The following STARD10 variants were observed in gnomAD, a reference collection of about 807,000 sequenced individuals.
STARD10 encodes START domain-containing protein 10.
STARD10 carries 24 observed loss-of-function variants against 36.0 expected under a neutral mutation model. The ratio of observed to expected loss-of-function variants is 0.67; its 90% CI spans 0.48 to 0.94. STARD10 has a LOEUF of 0.94. Ranked by LOEUF, STARD10 falls within the 40% of genes least tolerant of loss-of-function variation. The pLI is 0.00. For missense variants in STARD10, 335 were observed against 396.6 expected, an observed-to-expected ratio of 0.84 and a Z score of 1.32; for synonymous variants, 156 against 161.9, an observed-to-expected ratio of 0.96 and a Z score of 0.28.
At chr11:72,779,941 T>C (rs3889234) in intron 2 of STARD10, among the ~76,000 whole-genome samples, 32,459 of 152,096 alleles carry the variant, frequency 0.21, 3,768 homozygotes, top group Middle Eastern at 0.37. Flanking sequence ...CCAAGATACA[T>C]GCCTGAACTA....
At chr11:72,755,511 A>G (rs772266863) in intron 6 of STARD10, 190 bp downstream of exon 6, 1 of 677,220 alleles carries the variant, frequency 1.5e-6, no homozygotes, top group South Asian at 1.5e-5. Context: ...GGGTTTCACC[A>G]TGTTGGCCAG....
chr11:72,757,954 C>G (rs1858665916), intron 4 of STARD10, 70 bp from the exon 5 acceptor site: 3 of 1,284,774 alleles, frequency 2.3e-6, no homozygotes, highest in Admixed American at 1.7e-5. Context: ...TGAGTATACA[C>G]AAACGCGCAC....
At chr11:72,761,922 T>C (rs1296616) in intron 2 of STARD10, among the ~76,000 whole-genome samples, 70 of 121,634 alleles carry the variant, frequency 5.8e-4, no homozygotes, top group Non-Finnish European at 8.9e-4. Flanking sequence ...CTTTTCTTTT[T>C]TTTTTTTTTT....
rs1284110020 is a variant in STARD10 at position 72,781,691 on chromosome 11, C to G, written c.-113-397G>C. ...TTGCCCGCCGCTCCGCCGGGGCCCG[C>G]CGGGGCCGGGGTGCCAGCGCCGCCG... On this transcript the variant is annotated intron_variant, in intron 1 of 6. Transcript: ENST00000334805. The surrounding 1 kb of genome is among the most constrained non-coding windows in gnomAD (Gnocchi z 4.7). 6.8e-6 allele frequency: 1 copy of G among 147,866 alleles called. No homozygotes were observed. Among genetic ancestry groups the G allele is most frequent in the Non-Finnish European group, 1.5e-5 (1 of 66,288 alleles). 9.2% of individuals were successfully genotyped at this position (147,866 alleles called of 1,614,324 possible). A position where few individuals can be genotyped will look rare whatever the true frequency, so the allele number is the denominator to read the frequency against.
intron 2 of STARD10, among the ~76,000 whole-genome samples, chr11:72,760,192 C>T (rs549986049): frequency 2.0e-5 from 3 of 151,940 alleles, no homozygotes; most frequent in East Asian, 1.9e-4. Flanking sequence ...TCAGCCACCA[C>T]ACCCGGCCTG....
At chr11:72,765,094 C>A (rs1004365449) in intron 2 of STARD10, among the ~76,000 whole-genome samples, 1 of 152,100 alleles carries the variant, frequency 6.6e-6, no homozygotes. Context: ...ATGAAGAAAC[C>A]CCATCTCTAC....
chr11:72,768,730 C>T (rs948462244), intron 2 of STARD10, among the ~76,000 whole-genome samples: 1 of 152,248 alleles, frequency 6.6e-6, no homozygotes, highest in African/African-American at 2.4e-5. Context: ...TTCCTTGTCT[C>T]CTAGACCCCC....
At position 72,781,107 on chromosome 11, in the gene STARD10, G is replaced by A. The variant is rs772266558; in HGVS notation, c.75C>T (p.Pro25=). The change falls in exon 2 of 7, where the codon CCC becomes CCT. Residue 25 remains proline (P), a synonymous_variant. Coordinates refer to ENST00000334805, the MANE Select transcript of STARD10 (RefSeq NM_006645.3). The surrounding 1 kb of genome is among the most constrained non-coding windows in gnomAD (Gnocchi z 4.7). ...GGAAGCTGCGAAAGTCTTGGTCATCGGGCACCTGGACACTCTCACGGCCCA... is the reference window on the plus strand; with the variant it reads ...GGAAGCTGCGAAAGTCTTGGTCATCAGGCACCTGGACACTCTCACGGCCCA... ...PVLGRESVQV[P]DDQDFRSFRS... is the part of the protein sequence containing the mutation. The A allele has an allele frequency of 5.0e-6, 8 of 1,613,778 alleles. No individual in the cohort carries two copies. Among genetic ancestry groups the A allele is most frequent in the African/African-American group, 1.3e-5 (1 of 74,928 alleles).
At chr11:72,787,529 G>C (rs1859088604) in intron 1 of STARD10, among the ~76,000 whole-genome samples, 1 of 152,220 alleles carries the variant, frequency 6.6e-6, no homozygotes, top group South Asian at 2.1e-4. Flanking sequence ...TCTCCTTCCG[G>C]AGGGTTCCCA....
intron 2 of STARD10, among the ~76,000 whole-genome samples, chr11:72,759,803 C>CAA (rs1858692535): frequency 6.6e-6 from 1 of 152,200 alleles, no homozygotes; most frequent in African/African-American, 2.4e-5. Flanking sequence ...AGTCGAATGC[C>CAA]AAAGTGGATG....
chr11:72,759,219 G>A lies in STARD10; in HGVS notation c.355+15C>T. 1.9e-6 allele frequency: 3 copies of A among 1,613,674 alleles called. No individual in the cohort carries two copies. The highest frequency in any genetic ancestry group is 2.5e-6 in the Non-Finnish European group (3 of 1,179,810). On this transcript the variant is annotated intron_variant, in intron 3 of 6. Coordinates refer to ENST00000334805, the MANE Select transcript of STARD10 (RefSeq NM_006645.3). ...AGGCCAAGGGGACTGGGATCAGCGT[G>A]CTACGCCTGCTCACAGGAGTAATAG...
chr11:72,777,885 G>C (rs1393602930), intron 2 of STARD10, among the ~76,000 whole-genome samples: 1 of 152,216 alleles, frequency 6.6e-6, no homozygotes, highest in East Asian at 1.9e-4. Flanking sequence ...GGCATGTCCA[G>C]GGGTCAGCTG....
At chr11:72,788,625 G>T (rs1859104137) in intron 1 of STARD10, among the ~76,000 whole-genome samples, 2 of 150,926 alleles carry the variant, frequency 1.3e-5, no homozygotes, top group Non-Finnish European at 2.9e-5. Flanking sequence ...CTGGAGTGCA[G>T]TAGCACGATC....
chr11:72,780,323 G>A (rs576845159), intron 2 of STARD10: 20 of 397,158 alleles, frequency 5.0e-5, no homozygotes, highest in South Asian at 2.4e-4. Context: ...TGCTCCCTAT[G>A]TTGGCTTCCC....
At position 72,755,059 on chromosome 11, in the gene STARD10, G is replaced by A; in HGVS notation, c.714C>T (p.His238=). The A allele has an allele frequency of 1.2e-6, 2 of 1,613,230 alleles. No homozygotes were observed. Among genetic ancestry groups the A allele is most frequent in the Non-Finnish European group, 1.7e-6 (2 of 1,179,726 alleles). ...GGCTCGGCAACGGGCTCTGCTCCGG[G>A]TGCAGCCACGGCTTGAAGTGAGGCA... ...KHLPHFKPWL[H]PEQSPLPSLA... is the part of the protein sequence containing the mutation. Residue 238 remains histidine (H), a synonymous_variant, in exon 7 of 7, where the codon CAC becomes CAT. Coordinates refer to ENST00000334805, the MANE Select transcript of STARD10 (RefSeq NM_006645.3).
At chr11:72,786,357 A>T (rs966587509) in intron 1 of STARD10, among the ~76,000 whole-genome samples, 11 of 144,956 alleles carry the variant, frequency 7.6e-5, no homozygotes, top group Non-Finnish European at 1.5e-4. Flanking sequence ...GTCTCCAGTT[A>T]AAAAAAAAAA....
intron 2 of STARD10, among the ~76,000 whole-genome samples, chr11:72,765,506 T>C (rs1402506423): frequency 1.3e-5 from 2 of 152,178 alleles, no homozygotes; most frequent in Non-Finnish European, 2.9e-5. Context: ...ACACAGGCTT[T>C]GAGGCTGGCA....
At chr11:72,784,215 G>T (rs761136724) in intron 1 of STARD10, among the ~76,000 whole-genome samples, 23 of 152,320 alleles carry the variant, frequency 1.5e-4, no homozygotes, top group African/African-American at 2.2e-4. Flanking sequence ...GGCCCCATCT[G>T]CTCCAGAGCA....
chr11:72,754,856 G>A lies in STARD10; in HGVS notation c.*41C>T. 1.3e-6 allele frequency: 2 copies of A among 1,571,828 alleles called. No homozygotes were observed. The highest frequency in any genetic ancestry group is 1.4e-5 in the African/African-American group (1 of 69,212). The stretch of plus-strand genomic sequence containing the variant: ...GTGCAGGAGCGGCCGCCGCCCCAGG[G>A]CTCGCCCGGTCCTGTCTCCGTCCCT... On this transcript the variant is annotated 3_prime_UTR_variant, in exon 7 of 7. Transcript: ENST00000334805.
Sources: allele counts gnomAD v4.1 joint callset (sites outside exome capture counted in the v4.1 genomes callset), GRCh38; gene constraint gnomAD v4.1.1; non-coding constraint Gnocchi (gnomAD v3.1); transcripts MANE v1.5; gene names NCBI Gene and HGNC (gene_info 2026-07-23, HGNC 2026-07-21).